Variants in CPNE4 observed in about 807,000 individuals in gnomAD.
The protein encoded by CPNE4 is copine 4.
A neutral mutation model predicts 67.9 loss-of-function variants in CPNE4; 25 were observed. That is an observed-to-expected ratio of 0.37 (90% CI 0.27 to 0.51). The LOEUF is 0.51. Among genes scored for constraint, CPNE4 ranks in the 20% least tolerant of loss-of-function variants. CPNE4 has a pLI of 0.93. For synonymous variants in CPNE4, 242 were observed against 244.9 expected (o/e 0.99, Z 0.11); for missense variants, 464 against 690.8 (o/e 0.67, Z 3.68).
At chr3:131,915,979 A>G (rs1479918024) in intron 1 of CPNE4, among the ~76,000 whole-genome samples, 1 of 152,228 alleles carries the variant, frequency 6.6e-6, no homozygotes, top group Non-Finnish European at 1.5e-5. Flanking sequence ...TATAAGTGTA[A>G]CCGAATAATT....
chr3:131,859,117 TGTAA>T (rs1185504626), intron 2 of CPNE4, among the ~76,000 whole-genome samples: 6 of 152,170 alleles, frequency 3.9e-5, no homozygotes, highest in Non-Finnish European at 7.4e-5. Context: ...AGCCAAATGA[TGTAA>T]GTGTCAGAAG....
chr3:131,965,041 C>T lies in CPNE4; in HGVS notation c.-1-59597G>A, dbSNP rs184218701. On this transcript the variant is annotated intron_variant, in intron 1 of 15. Transcript: ENST00000429747. ...AGTGGATCTCTCTGCAGAAACCCTA[C>T]AAGCTGGAAGAGAGTGGGGGCCAAT... is the stretch of plus-strand genomic sequence containing the variant. Among the ~76,000 whole-genome samples the T allele has an allele frequency of 2.1e-4, 32 of 152,310 alleles. No homozygotes were observed. In the Middle Eastern group the frequency reaches 0.014, roughly 65 times the overall value.
At chr3:131,878,000 T>C (rs1300335270) in intron 2 of CPNE4, among the ~76,000 whole-genome samples, 1 of 152,170 alleles carries the variant, frequency 6.6e-6, no homozygotes, top group African/African-American at 2.4e-5. Flanking sequence ...GGGGAAGATG[T>C]GGAGCAATCA....
At chr3:131,798,807 C>T (rs1402020046) in intron 2 of CPNE4, among the ~76,000 whole-genome samples, 2 of 152,058 alleles carry the variant, frequency 1.3e-5, no homozygotes, top group Non-Finnish European at 2.9e-5. Flanking sequence ...GGTGGTATAT[C>T]ATATTCTGTT....
At chr3:131,691,107 G>A (rs2081024478) in intron 5 of CPNE4, among the ~76,000 whole-genome samples, 1 of 152,144 alleles carries the variant, frequency 6.6e-6, no homozygotes, top group Non-Finnish European at 1.5e-5. Flanking sequence ...CTGTTTGTGG[G>A]AATGTAAATT....
At chr3:131,780,083 T>A (rs911498555) in intron 2 of CPNE4, among the ~76,000 whole-genome samples, 3 of 152,122 alleles carry the variant, frequency 2.0e-5, no homozygotes, top group African/African-American at 7.2e-5. Context: ...GAAAAAATGC[T>A]CAATATCACT....
chr3:131,580,394 ATATACATATACATATACATATAC>A (rs1937730833), intron 9 of CPNE4, among the ~76,000 whole-genome samples: 6 of 8,794 alleles, frequency 6.8e-4, no homozygotes, highest in African/African-American at 8.7e-4. Flanking sequence ...GCCTCTATAC[ATATACATATACATATACATATAC>A]ATATACATAT....
chr3:131,538,465 C>T (rs1361654874), intron 15 of CPNE4, among the ~76,000 whole-genome samples: 20 of 152,194 alleles, frequency 1.3e-4, no homozygotes, highest in Admixed American at 1.3e-3. Context: ...ATGAATGAAG[C>T]TGGTAATAAC....
At chr3:131,593,321 T>C (rs1188882455) in intron 7 of CPNE4, among the ~76,000 whole-genome samples, 1 of 152,154 alleles carries the variant, frequency 6.6e-6, no homozygotes, top group Admixed American at 6.5e-5. Flanking sequence ...TATTTGTGTA[T>C]TCTTTGATTT....
intron 3 of CPNE4, among the ~76,000 whole-genome samples, chr3:131,703,897 GA>G: frequency 6.6e-6 from 1 of 152,224 alleles, no homozygotes; most frequent in Admixed American, 6.5e-5. Context: ...ATGCATTATA[GA>G]ACTTTTATTC....
At chr3:131,892,896 C>T (rs1560551491) in intron 2 of CPNE4, among the ~76,000 whole-genome samples, 1 of 151,536 alleles carries the variant, frequency 6.6e-6, no homozygotes, top group Non-Finnish European at 1.5e-5. Flanking sequence ...CCAGATGAAA[C>T]AATGACAGAG....
intron 7 of CPNE4, among the ~76,000 whole-genome samples, chr3:131,599,129 G>C (rs922311432): frequency 3.3e-5 from 5 of 152,164 alleles, no homozygotes; most frequent in African/African-American, 1.2e-4. Flanking sequence ...ATGAGAATTT[G>C]ATCCATAATT....
intron 15 of CPNE4, chr3:131,537,785 G>A (rs1935241988): frequency 6.4e-6 from 1 of 157,442 alleles, no homozygotes; most frequent in Non-Finnish European, 1.4e-5. Flanking sequence ...AAGAGCAAAG[G>A]GAATCACAAT....
At chr3:131,980,533 A>G (rs184591161) in intron 1 of CPNE4, among the ~76,000 whole-genome samples, 337 of 152,054 alleles carry the variant, frequency 2.2e-3, no homozygotes, top group African/African-American at 7.9e-3. Context: ...GTGTGCTCAA[A>G]GTTCCTGAAT....
intron 9 of CPNE4, 73 bp from the exon 10 acceptor site, chr3:131,575,203 GT>G: frequency 7.8e-7 from 1 of 1,286,646 alleles, no homozygotes; most frequent in Non-Finnish European, 1.1e-6. Flanking sequence ...AGGCCTAAAG[GT>G]TGGTGACTGA....
chr3:131,847,095 C>G (rs1490248804), intron 2 of CPNE4, among the ~76,000 whole-genome samples: 1 of 152,204 alleles, frequency 6.6e-6, no homozygotes, highest in Non-Finnish European at 1.5e-5. Flanking sequence ...AATGGTCTCT[C>G]TCAAGTGTAA....
chr3:131,933,790 CAA>C (rs764404007), intron 1 of CPNE4, among the ~76,000 whole-genome samples: 2 of 115,914 alleles, frequency 1.7e-5, no homozygotes, highest in Admixed American at 8.4e-5. Flanking sequence ...ACAGAAAGAC[CAA>C]AAAAAAAAAA....
intron 2 of CPNE4, among the ~76,000 whole-genome samples, chr3:131,880,899 G>T (rs1334115771): frequency 6.6e-6 from 1 of 152,176 alleles, no homozygotes; most frequent in Non-Finnish European, 1.5e-5. Flanking sequence ...CCCATTGTTA[G>T]GAAGATGTTT....
At chr3:131,830,409 T>C (rs1249842163) in intron 2 of CPNE4, among the ~76,000 whole-genome samples, 5 of 152,140 alleles carry the variant, frequency 3.3e-5, no homozygotes, top group Middle Eastern at 3.2e-3. Context: ...AGATAGATCA[T>C]TGTTATTCTA....
Sources: allele counts gnomAD v4.1 joint callset (sites outside exome capture counted in the v4.1 genomes callset), GRCh38; gene constraint gnomAD v4.1.1; transcripts MANE v1.5; gene names NCBI Gene and HGNC (gene_info 2026-07-23, HGNC 2026-07-21).